The following PLEKHG1 variants were observed in gnomAD, a reference collection of about 807,000 sequenced individuals.
PLEKHG1 encodes the protein pleckstrin homology and RhoGEF domain containing G1, also known as pleckstrin homology domain-containing family G member 1.
Under a neutral mutation model 100.8 loss-of-function variants are expected in PLEKHG1, and 44 were observed. The observed-to-expected ratio is 0.44, with a 90% confidence interval of 0.34 to 0.56. The LOEUF (loss-of-function observed/expected upper bound fraction) is 0.56, where lower values mean the gene tolerates loss of function less well. PLEKHG1 is among the 20% of genes least tolerant of loss of function. The pLI is 0.01. For synonymous variants in PLEKHG1, 640 were observed against 662.5 expected, an observed-to-expected ratio of 0.97 and a Z score of 0.52; for missense variants, 1,545 against 1,720.9, an observed-to-expected ratio of 0.90 and a Z score of 1.81.
At chr6:150,697,524 G>A (rs536888705) in intron 3 of PLEKHG1, among the ~76,000 whole-genome samples, 1 of 152,318 alleles carries the variant, frequency 6.6e-6, no homozygotes, top group East Asian at 1.9e-4. Flanking sequence ...TCCTGGTGTG[G>A]TCCTGAACAA....
intron 2 of PLEKHG1, among the ~76,000 whole-genome samples, chr6:150,753,477 G>C (rs1171709573): frequency 6.6e-6 from 1 of 152,166 alleles, no homozygotes; most frequent in African/African-American, 2.4e-5. Flanking sequence ...TGGGTGCCTC[G>C]TAAGGAGGGG....
intron 4 of PLEKHG1, among the ~76,000 whole-genome samples, chr6:150,791,515 A>G (rs1052851917): frequency 6.6e-6 from 1 of 151,926 alleles, no homozygotes; most frequent in Non-Finnish European, 1.5e-5. Flanking sequence ...ATAAAAATAA[A>G]AAAATTAGCT....
upstream of PLEKHG1, among the ~76,000 whole-genome samples, chr6:150,717,260 G>C (rs1454146154): frequency 6.6e-6 from 1 of 150,824 alleles, no homozygotes; most frequent in African/African-American, 2.4e-5. Flanking sequence ...GGCTGGTCTT[G>C]AACTTCTGAC....
chr6:150,604,711 G>T (rs1245550200), intron 1 of PLEKHG1, among the ~76,000 whole-genome samples: 2 of 152,182 alleles, frequency 1.3e-5, no homozygotes, highest in East Asian at 1.9e-4. Context: ...TTGCCCTGGG[G>T]CTAGAAGTCT....
chr6:150,759,192 C>T (rs1415800219), intron 2 of PLEKHG1, among the ~76,000 whole-genome samples: 2 of 152,138 alleles, frequency 1.3e-5, no homozygotes, highest in Admixed American at 6.5e-5. Context: ...CAGTCTTGAA[C>T]GTGGCAGATG....
chr6:150,793,750 TCTA>T (rs1786135943), intron 4 of PLEKHG1, among the ~76,000 whole-genome samples: 1 of 152,134 alleles, frequency 6.6e-6, no homozygotes, highest in Admixed American at 6.6e-5. Context: ...TGAGCAAGTC[TCTA>T]CTAAACCAGT....
At chr6:150,716,649 C>T (rs1781458211), upstream of PLEKHG1, among the ~76,000 whole-genome samples, 1 of 152,140 alleles carries the variant, frequency 6.6e-6, no homozygotes, top group Non-Finnish European at 1.5e-5. Flanking sequence ...CATCCCCACC[C>T]CAGCCCTCCT....
intron 2 of PLEKHG1, among the ~76,000 whole-genome samples, chr6:150,762,645 G>T (rs1031058175): frequency 6.6e-6 from 1 of 152,062 alleles, no homozygotes; most frequent in African/African-American, 2.4e-5. Context: ...TGGACCCAGG[G>T]AAAACTCTAT....
intron 3 of PLEKHG1, among the ~76,000 whole-genome samples, chr6:150,695,303 T>C (rs906555697): frequency 6.6e-6 from 1 of 152,246 alleles, no homozygotes; most frequent in Non-Finnish European, 1.5e-5. Flanking sequence ...TTTGAAAAAC[T>C]TAAAAGCTCC....
At chr6:150,818,237 A>G (rs766178660) in intron 11 of PLEKHG1, 21 bp downstream of exon 12, 14 of 1,544,326 alleles carry the variant, frequency 9.1e-6, no homozygotes, top group Non-Finnish European at 1.3e-5. Flanking sequence ...TTTCCTTAAA[A>G]CAATTTGAAA....
chr6:150,721,188 G>A, exon 1 of PLEKHG1: 1 of 984,904 alleles, frequency 1.0e-6, no homozygotes. Flanking sequence ...GCTTAAGCCT[G>A]AGTGGAGCAG....
At chr6:150,676,453 G>T (rs892769842) in intron 3 of PLEKHG1, among the ~76,000 whole-genome samples, 1 of 152,218 alleles carries the variant, frequency 6.6e-6, no homozygotes, top group African/African-American at 2.4e-5. Flanking sequence ...TTATATTCAT[G>T]CATTACTGTT....
chr6:150,663,528 C>CACTTT (rs1429367783), intron 3 of PLEKHG1: 1 of 150,542 alleles, frequency 6.6e-6, no homozygotes, highest in East Asian at 1.9e-4. Context: ...ATTTTTCAGG[C>CACTTT]ACTTTCTTTT....
intron 3 of PLEKHG1, among the ~76,000 whole-genome samples, chr6:150,703,368 A>T (rs1341952277): frequency 6.6e-6 from 1 of 152,192 alleles, no homozygotes; most frequent in Non-Finnish European, 1.5e-5. Context: ...TGGGAGACTG[A>T]GGCAGGCAGA....
At chr6:150,606,996 AG>A (rs1776628930) in intron 1 of PLEKHG1, among the ~76,000 whole-genome samples, 1 of 152,082 alleles carries the variant, frequency 6.6e-6, no homozygotes, top group African/African-American at 2.4e-5. Flanking sequence ...AAGGAAGCAA[AG>A]CATGGACCCG....
chr6:150,714,919 G>A (rs11754398), intron 3 of PLEKHG1, among the ~76,000 whole-genome samples: 1 of 151,112 alleles, frequency 6.6e-6, no homozygotes, highest in African/African-American at 2.4e-5. Flanking sequence ...AGTGATTCTC[G>A]TGCCTCAGCC....
chr6:150,603,491 A>G (rs1776456564), intron 1 of PLEKHG1, among the ~76,000 whole-genome samples: 1 of 152,216 alleles, frequency 6.6e-6, no homozygotes, highest in African/African-American at 2.4e-5. Context: ...GTATATGGCT[A>G]ATCACCTAGC....
At chr6:150,660,064 G>T (rs971612481) in intron 3 of PLEKHG1, among the ~76,000 whole-genome samples, 3 of 149,080 alleles carry the variant, frequency 2.0e-5, no homozygotes, top group African/African-American at 7.4e-5. Context: ...AAATGTCTTT[G>T]TTCATAATTT....
chr6:150,786,820 A>G (rs1400469838), intron 4 of PLEKHG1, among the ~76,000 whole-genome samples: 1 of 152,062 alleles, frequency 6.6e-6, no homozygotes, highest in Non-Finnish European at 1.5e-5. Context: ...ATCTGAGGTC[A>G]GGAGTTTGAG....
Sources: gnomAD v4.1 joint callset for allele counts (sites outside exome capture counted in the v4.1 genomes callset) on GRCh38, gnomAD v4.1.1 for gene constraint, MANE v1.5 for transcripts, NCBI Gene and HGNC (gene_info 2026-07-23, HGNC 2026-07-21) for gene names.